Variants in RGS6 observed in about 807,000 individuals in gnomAD.
The protein encoded by RGS6 is regulator of G-protein signaling 6.
A neutral mutation model predicts 78.5 loss-of-function variants in RGS6; 30 were observed. The observed-to-expected ratio is 0.38, with a 90% CI of 0.29 to 0.52. RGS6 has a LOEUF of 0.52. Ranked by LOEUF, RGS6 falls within the 20% of genes least tolerant of loss-of-function variation. The pLI, the probability that RGS6 is intolerant of heterozygous loss-of-function variation, is 0.85. For synonymous variants in RGS6, 206 were observed against 206.0 expected, an observed-to-expected ratio of 1.00 and a Z score of 0.00; for missense variants, 495 against 609.7, an observed-to-expected ratio of 0.81 and a Z score of 1.98.
intron 3 of RGS6, among the ~76,000 whole-genome samples, chr14:72,408,312 G>T (rs1009766622): frequency 2.0e-5 from 3 of 152,064 alleles, no homozygotes; most frequent in Non-Finnish European, 2.9e-5. Context: ...TGTGTTTTTT[G>T]ATGATAACTT....
At position 72,501,502 on chromosome 14, in the gene RGS6, A is replaced by G. The variant is rs60900719; in HGVS notation, c.965+6240A>G. Among the ~76,000 whole-genome samples the G allele has an allele frequency of 3.8e-3, 585 of 152,330 alleles. 6 individuals are homozygous for G. Among genetic ancestry groups the G allele is most frequent in the African/African-American group, 0.014 (572 of 41,586 alleles). The stretch of plus-strand genomic sequence containing the variant: ...TCCACTCCCGCCTGGGTGACAGAAC[A>G]AGACCCCTAAAGAAAAAGAGTAAAT... On this transcript the variant is annotated intron_variant, in intron 13 of 17. Transcript: ENST00000553525.
At chr14:72,193,465 T>C (rs940321813) in intron 2 of RGS6, among the ~76,000 whole-genome samples, 4 of 152,196 alleles carry the variant, frequency 2.6e-5, no homozygotes, top group Admixed American at 6.5e-5. Context: ...CATTCATTCA[T>C]TCAACCCATA....
chr14:71,928,653 C>T (rs2087754266), upstream of RGS6, among the ~76,000 whole-genome samples: 1 of 152,212 alleles, frequency 6.6e-6, no homozygotes, highest in African/African-American at 2.4e-5. Flanking sequence ...AATTCTATTA[C>T]ACATTTTCCT....
chr14:72,082,986 T>G (rs2094885814), intron 2 of RGS6, among the ~76,000 whole-genome samples: 1 of 152,130 alleles, frequency 6.6e-6, no homozygotes, highest in Non-Finnish European at 1.5e-5. Flanking sequence ...AATCACATGG[T>G]GGGTATAGAA....
intron 1 of RGS6, among the ~76,000 whole-genome samples, chr14:71,958,928 C>A (rs1378330977): frequency 1.3e-5 from 2 of 152,138 alleles, no homozygotes; most frequent in Non-Finnish European, 2.9e-5. Context: ...TAGTTCCGGT[C>A]CTTGGGCAAG....
At position 72,295,269 on chromosome 14, in the gene RGS6, C is replaced by G. The variant is rs1406253960; in HGVS notation, c.85-56826C>G. Among the ~76,000 whole-genome samples the G allele has an allele frequency of 2.1e-5, 3 of 144,772 alleles. No homozygotes were observed. In the Admixed American group the frequency reaches 2.1e-4, roughly 10 times the overall value. 95.0% of individuals were successfully genotyped at this position (144,772 alleles called of 152,430 possible). ...TCCCGCCACTGCACTCCAGCCTGGG[C>G]GACAGAGCGAGACTCCGTCTCAAAA... is the stretch of plus-strand genomic sequence containing the variant. On this transcript the variant is annotated intron_variant, in intron 2 of 17. Coordinates refer to ENST00000553525, the MANE Select transcript of RGS6 (RefSeq NM_001204424.2).
the RGS6 span, among the ~76,000 whole-genome samples, chr14:71,889,166 G>C: frequency 6.6e-6 from 1 of 152,126 alleles, no homozygotes; most frequent in Non-Finnish European, 1.5e-5. Flanking sequence ...AGGAGAACAT[G>C]TCATGGAGGT....
Position 72,566,199 on chromosome 14 carries a change from A to T in RGS6, c.*3732A>T, listed in dbSNP as rs373172163. 6.6e-6 allele frequency: 1 copy of T among 152,194 alleles called. No individual in the cohort carries two copies. Among genetic ancestry groups the T allele is most frequent in the Non-Finnish European group, 1.5e-5 (1 of 68,028 alleles). The allele number at this position is 152,194 out of a possible 1,614,324, so 9.4% of individuals were successfully genotyped here. A position where few individuals can be genotyped will look rare whatever the true frequency, so the allele number is the denominator to read the frequency against. On this transcript the variant is annotated 3_prime_UTR_variant, in exon 18 of 18. Transcript: ENST00000553525. ...CCTGGGCTAGACCCAGGGGCCATAA[A>T]GTAGCAAAGTAGCAAATGTAGCAAT...
the RGS6 span, among the ~76,000 whole-genome samples, chr14:71,879,682 G>A: frequency 4.6e-5 from 7 of 152,028 alleles, no homozygotes; most frequent in Admixed American, 1.3e-4. Context: ...TGTGCCTTTC[G>A]CCTTCTACTA....
chr14:72,160,914 G>A (rs77246329), intron 2 of RGS6, among the ~76,000 whole-genome samples: 5,932 of 152,218 alleles, frequency 0.039, 147 homozygotes, highest in Middle Eastern at 0.099. Flanking sequence ...AGAATTTATA[G>A]AATCCAAGCA....
At chr14:72,023,475 G>A (rs1469354820) in intron 2 of RGS6, among the ~76,000 whole-genome samples, 1 of 151,910 alleles carries the variant, frequency 6.6e-6, no homozygotes, top group East Asian at 1.9e-4. Flanking sequence ...CATTCCCCAG[G>A]AAAATTTAGA....
At chr14:72,243,707 G>T (rs2053501438) in intron 2 of RGS6, among the ~76,000 whole-genome samples, 2 of 151,828 alleles carry the variant, frequency 1.3e-5, no homozygotes, top group Non-Finnish European at 2.9e-5. Context: ...TTCGTTTAAT[G>T]GGGAAGGGAA....
intron 2 of RGS6, among the ~76,000 whole-genome samples, chr14:72,106,357 A>G (rs920984069): frequency 6.6e-6 from 1 of 152,130 alleles, no homozygotes; most frequent in African/African-American, 2.4e-5. Flanking sequence ...TCCAGTGGAG[A>G]TTTACTAAAT....
At chr14:72,409,746 A>G (rs2093253406) in intron 3 of RGS6, among the ~76,000 whole-genome samples, 1 of 151,936 alleles carries the variant, frequency 6.6e-6, no homozygotes, top group South Asian at 2.1e-4. Flanking sequence ...TCGGTGTGTG[A>G]TGTTCCCCTT....
intron 2 of RGS6, among the ~76,000 whole-genome samples, chr14:72,090,991 A>T (rs1194474093): frequency 1.3e-5 from 1 of 74,272 alleles, no homozygotes; most frequent in Admixed American, 1.9e-4. Flanking sequence ...ACCTTTAGTG[A>T]TTTCCACTAA....
chr14:72,469,027 C>A (rs1210972212), intron 7 of RGS6, among the ~76,000 whole-genome samples: 1 of 152,102 alleles, frequency 6.6e-6, no homozygotes, highest in Non-Finnish European at 1.5e-5. Context: ...TTAGGAGGAT[C>A]ATTAGGGCGC....
At chr14:72,058,590 C>G (rs2153430197) in intron 2 of RGS6, among the ~76,000 whole-genome samples, 1 of 151,772 alleles carries the variant, frequency 6.6e-6, no homozygotes, top group Non-Finnish European at 1.5e-5. Context: ...TAGTCTAATG[C>G]TCTCATTTTG....
chr14:72,344,214 C>T (rs766185537), intron 2 of RGS6, among the ~76,000 whole-genome samples: 8 of 151,864 alleles, frequency 5.3e-5, no homozygotes, highest in Admixed American at 1.3e-4. Flanking sequence ...AAATGTTTTC[C>T]GTAAAAGTAA....
chr14:72,163,381 A>G (rs1028234088), intron 2 of RGS6, among the ~76,000 whole-genome samples: 4 of 152,240 alleles, frequency 2.6e-5, no homozygotes, highest in African/African-American at 9.6e-5. Flanking sequence ...AGTGGGACCA[A>G]CAAGTCACAG....
Sources: allele counts gnomAD v4.1 joint callset (sites outside exome capture counted in the v4.1 genomes callset), GRCh38; gene constraint gnomAD v4.1.1; transcripts MANE v1.5; gene names NCBI Gene and HGNC (gene_info 2026-07-23, HGNC 2026-07-21).